The following GSN variants were observed in gnomAD, a reference collection of about 807,000 sequenced individuals.
GSN encodes the protein gelsolin.
Under a neutral mutation model 85.7 loss-of-function variants are expected in GSN, and 56 were observed. The observed-to-expected ratio is 0.65, with a 90% CI of 0.53 to 0.82. The LOEUF (loss-of-function observed/expected upper bound fraction) is 0.82. GSN is among the 40% of genes least tolerant of loss of function. The pLI is 0.00. For synonymous variants in GSN, 373 were observed against 399.1 expected (o/e 0.93, Z 0.78); for missense variants, 857 against 979.8 (o/e 0.87, Z 1.67).
chr9:121,281,348 G>GC (rs2057341764), intron 1 of GSN, 122 bp from the exon 2 acceptor site: 1 of 347,948 alleles, frequency 2.9e-6, no homozygotes, highest in Admixed American at 4.0e-5. Flanking sequence ...CTGGATGTGT[G>GC]CAAGTACTGA....
At chr9:121,288,929 G>A (rs1295444196) in intron 2 of GSN, among the ~76,000 whole-genome samples, 1 of 152,180 alleles carries the variant, frequency 6.6e-6, no homozygotes, top group Non-Finnish European at 1.5e-5. Context: ...AAAGCAAGAG[G>A]AACGCAGGGC....
intron 4 of GSN, among the ~76,000 whole-genome samples, chr9:121,228,834 T>G (rs1162164942): frequency 6.6e-6 from 1 of 152,206 alleles, no homozygotes; most frequent in East Asian, 1.9e-4. Flanking sequence ...TAAATCTCTG[T>G]GTGCATGTAT....
chr9:121,303,670 C>T (rs904011662), intron 4 of GSN, among the ~76,000 whole-genome samples: 1 of 152,188 alleles, frequency 6.6e-6, no homozygotes, highest in African/African-American at 2.4e-5. Flanking sequence ...CCTCCTTGAG[C>T]CTCCCTTTCC....
intron 2 of GSN, among the ~76,000 whole-genome samples, chr9:121,287,243 G>A: frequency 6.6e-6 from 1 of 152,146 alleles, no homozygotes; most frequent in East Asian, 1.9e-4. Context: ...TGAGGACAGG[G>A]GGAGGAGTGG....
Position 121,310,894 on chromosome 9 carries a change from C to T in GSN, c.513+49C>T, listed in dbSNP as rs532641094. On this transcript the variant is annotated intron_variant, in intron 5 of 17. Transcript: ENST00000432226. ...CAGGAGCCACTGAGGTGCTCCTGGT[C>T]TGATCAGGGACTTGGGTACATCCAC... The T allele has an allele frequency of 1.3e-5, 21 of 1,580,664 alleles. No individual in the cohort carries two copies. The East Asian group carries it at 4.7e-4, about 35-fold the overall frequency.
chr9:121,319,582 C>A (rs888804744), intron 10 of GSN, among the ~76,000 whole-genome samples: 7 of 151,878 alleles, frequency 4.6e-5, no homozygotes, highest in African/African-American at 9.7e-5. Flanking sequence ...CTCGGCCCCC[C>A]AAAGTGTTGG....
intron 4 of GSN, among the ~76,000 whole-genome samples, chr9:121,230,594 G>A (rs2054368514): frequency 6.6e-6 from 1 of 152,178 alleles, no homozygotes; most frequent in Non-Finnish European, 1.5e-5. Context: ...AGCAGATTCA[G>A]CCCTTGTGTG....
At chr9:121,213,395 A>T (rs1018747505) in intron 4 of GSN, among the ~76,000 whole-genome samples, 1 of 152,210 alleles carries the variant, frequency 6.6e-6, no homozygotes, top group African/African-American at 2.4e-5. Context: ...GCTCCACCAG[A>T]GGGCGCAGCA....
intron 2 of GSN, chr9:121,286,507 A>G (rs2058095070): frequency 8.4e-7 from 1 of 1,194,494 alleles, no homozygotes; most frequent in Non-Finnish European, 1.1e-6. Flanking sequence ...CACCTTCCCA[A>G]AAGGGAAACT....
chr9:121,241,308 T>A (rs141077921), intron 5 of GSN, among the ~76,000 whole-genome samples: 1 of 152,318 alleles, frequency 6.6e-6, no homozygotes, highest in Non-Finnish European at 1.5e-5. Context: ...ACTGAAAGAT[T>A]TCAGGTGAGC....
In GSN at chr9:121,331,468, G is replaced by A. The variant is rs773198965; in HGVS notation, c.2026+20G>A. ...CTTCTGGTGAGGACCCGAGTGCCTG[G>A]GGGCGGGGGGAGGGGTCCGTTGCTT... On this transcript the variant is annotated intron_variant, in intron 17 of 17. Transcript: ENST00000432226. The A allele has an allele frequency of 6.8e-7, 1 of 1,480,282 alleles. No homozygotes were observed. The highest frequency in any genetic ancestry group is 9.4e-7 in the Non-Finnish European group (1 of 1,067,816). 91.7% of individuals were successfully genotyped at this position (1,480,282 alleles called of 1,614,324 possible). A position where few individuals can be genotyped will look rare whatever the true frequency, so the allele number is the denominator to read the frequency against.
At chr9:121,295,450 T>C (rs989588351) in intron 2 of GSN, among the ~76,000 whole-genome samples, 3 of 152,154 alleles carry the variant, frequency 2.0e-5, no homozygotes, top group African/African-American at 7.2e-5. Flanking sequence ...GGGCTTTCCA[T>C]GAGTGGCTGG....
chr9:121,268,371 C>T (rs577118774), intron 1 of GSN, among the ~76,000 whole-genome samples, 152 bp downstream of exon 1: 1 of 152,354 alleles, frequency 6.6e-6, no homozygotes, highest in South Asian at 2.1e-4. Flanking sequence ...TCCTCGCTCA[C>T]TTTTCCCGTC....
At chr9:121,263,655 C>T (rs1244414011), upstream of GSN, among the ~76,000 whole-genome samples, 6 of 152,032 alleles carry the variant, frequency 3.9e-5, no homozygotes. Context: ...CTTTGGTAGG[C>T]TGAGGCAGGT....
chr9:121,227,871 G>C (rs2054300425), intron 4 of GSN, among the ~76,000 whole-genome samples: 1 of 152,130 alleles, frequency 6.6e-6, no homozygotes, highest in African/African-American at 2.4e-5. Flanking sequence ...AGCACTCCCA[G>C]CTTAGGAATT....
In GSN at chr9:121,282,423, C is replaced by G; in HGVS notation, c.-10+861C>G. On this transcript the variant is annotated intron_variant, in intron 2 of 17. Coordinates refer to ENST00000432226, the MANE Select transcript of GSN (RefSeq NM_198252.3). ...AAACACCCCTCCAACCCACGCCATC[C>G]CTTTTCTGCCAAAAGGAGAAGGGGA... 2.5e-6 allele frequency: 3 copies of G among 1,199,256 alleles called. No homozygotes were observed. The East Asian group carries it at 8.5e-5, about 34-fold the overall frequency. The allele number at this position is 1,199,256 out of a possible 1,614,324, so 74.3% of individuals were successfully genotyped here.
intron 5 of GSN, among the ~76,000 whole-genome samples, chr9:121,244,710 G>A (rs1009444134): frequency 2.0e-5 from 3 of 152,220 alleles, no homozygotes; most frequent in Non-Finnish European, 4.4e-5. Context: ...TTGAATAAAT[G>A]ATGGTACATC....
chr9:121,268,039 C>T (rs1405744195), upstream of GSN: 1 of 151,944 alleles, frequency 6.6e-6, no homozygotes, highest in Non-Finnish European at 1.5e-5. Context: ...GCCCAGCAGC[C>T]GACGGGAGGG....
At chr9:121,301,429 C>T (rs147851256) in intron 2 of GSN, among the ~76,000 whole-genome samples, 2,196 of 152,202 alleles carry the variant, frequency 0.014, 57 homozygotes, top group African/African-American at 0.05. Context: ...GAGTTCCAGA[C>T]CAGCCTGACC....
Sources: allele counts gnomAD v4.1 joint callset (sites outside exome capture counted in the v4.1 genomes callset), GRCh38; gene constraint gnomAD v4.1.1; transcripts MANE v1.5; gene names NCBI Gene and HGNC (gene_info 2026-07-23, HGNC 2026-07-21).